Variants in VRK2 observed in about 807,000 individuals in gnomAD.
The protein encoded by VRK2 is VRK serine/threonine kinase 2.
A neutral mutation model predicts 57.6 loss-of-function variants in VRK2; 60 were observed. The ratio of observed to expected loss-of-function variants is 1.04; its 90% CI spans 0.85 to 1.29. The LOEUF (loss-of-function observed/expected upper bound fraction) is 1.29. Among genes scored for constraint, VRK2 ranks in the 50% most tolerant of loss-of-function variants. The pLI, the probability that VRK2 is intolerant of heterozygous loss-of-function variation, is 0.00. For missense variants in VRK2, 705 were observed against 588.1 expected (o/e 1.20, Z -2.06); for synonymous variants, 231 against 199.2 (o/e 1.16, Z -1.35).
At chr2:58,091,736 G>A (rs1034675848) in intron 7 of VRK2, among the ~76,000 whole-genome samples, 1 of 151,920 alleles carries the variant, frequency 6.6e-6, no homozygotes, top group African/African-American at 2.4e-5. Flanking sequence ...TTGTTAAAGC[G>A]ATGATCGAAA....
chr2:58,117,483 T>C (rs2104452753), intron 7 of VRK2, among the ~76,000 whole-genome samples: 1 of 151,906 alleles, frequency 6.6e-6, no homozygotes, highest in East Asian at 1.9e-4. Context: ...CATGGGTCTA[T>C]AGAAAAGGAA....
upstream of VRK2, among the ~76,000 whole-genome samples, chr2:58,043,809 G>A (rs1674562902): frequency 6.6e-6 from 1 of 152,138 alleles, no homozygotes; most frequent in South Asian, 2.1e-4. Flanking sequence ...CTGCCAAACT[G>A]TTTTCCAGAG....
At chr2:58,027,551 G>T (rs953784561) in intron 2 of VRK2, among the ~76,000 whole-genome samples, 4 of 152,142 alleles carry the variant, frequency 2.6e-5, no homozygotes, top group Admixed American at 6.6e-5. Context: ...GGTGAAAAGG[G>T]TTGGAAAGGG....
chr2:57,981,417 A>T (rs1672419129), intron 1 of VRK2, among the ~76,000 whole-genome samples: 1 of 152,152 alleles, frequency 6.6e-6, no homozygotes, highest in African/African-American at 2.4e-5. Flanking sequence ...TTAACTTGAC[A>T]CTGTTCCCTT....
At chr2:57,978,113 T>C (rs1672305448) in intron 1 of VRK2, among the ~76,000 whole-genome samples, 6 of 151,188 alleles carry the variant, frequency 4.0e-5, no homozygotes, top group Admixed American at 3.9e-4. Flanking sequence ...TTAAGAGTAT[T>C]GTTTAATAAT....
chr2:58,109,225 A>G (rs1312083779), intron 7 of VRK2, among the ~76,000 whole-genome samples: 3 of 152,178 alleles, frequency 2.0e-5, no homozygotes, highest in Admixed American at 6.5e-5. Context: ...AGGTGCTGTT[A>G]TGGATACAAA....
intron 2 of VRK2, among the ~76,000 whole-genome samples, chr2:58,069,376 G>A (rs1268509363): frequency 6.6e-6 from 1 of 152,178 alleles, no homozygotes; most frequent in East Asian, 1.9e-4. Flanking sequence ...TACACAGCTT[G>A]TGAGTGAGTC....
chr2:58,076,085 C>A (rs1471984566), intron 2 of VRK2, among the ~76,000 whole-genome samples: 1 of 149,156 alleles, frequency 6.7e-6, no homozygotes, highest in Non-Finnish European at 1.5e-5. Flanking sequence ...TTTTTAAGAG[C>A]CTTCTAATAG....
At position 57,937,164 on chromosome 2, in the gene VRK2, G is replaced by T. The variant is rs190486520; in HGVS notation, c.-439+29325G>T. 1.3e-4 allele frequency among the ~76,000 whole-genome samples: 20 copies of T among 152,278 alleles called. 1 individual carries two copies. Among genetic ancestry groups the T allele is most frequent in the African/African-American group, 4.8e-4 (20 of 41,560 alleles). ...AGACCAATTCAGAAGCAATAGAAAT[G>T]AACACATGCTATGAAATCTTTTAAT... On this transcript the variant is annotated intron_variant, in intron 1 of 15. Coordinates refer to the VRK2 transcript ENST00000417641.
intron 1 of VRK2, among the ~76,000 whole-genome samples, chr2:58,006,039 T>C (rs1014845679): frequency 2.0e-5 from 3 of 152,174 alleles, no homozygotes; most frequent in South Asian, 4.1e-4. Context: ...GACCTGTAGC[T>C]AGACTCATGT....
At chr2:57,970,903 T>C (rs975160218) in intron 1 of VRK2, among the ~76,000 whole-genome samples, 3 of 152,026 alleles carry the variant, frequency 2.0e-5, no homozygotes, top group Non-Finnish European at 2.9e-5. Flanking sequence ...TCTTAATTGA[T>C]AGGATTTTTT....
At chr2:57,914,725 A>G (rs1179174569) in intron 1 of VRK2, among the ~76,000 whole-genome samples, 1 of 152,160 alleles carries the variant, frequency 6.6e-6, no homozygotes, top group African/African-American at 2.4e-5. Flanking sequence ...TGTCCCTCTG[A>G]AAGTTAAGCC....
At chr2:58,009,398 T>C (rs1470312392) in intron 1 of VRK2, among the ~76,000 whole-genome samples, 1 of 151,746 alleles carries the variant, frequency 6.6e-6, no homozygotes, top group Non-Finnish European at 1.5e-5. Context: ...GAACCACTTG[T>C]ACTGAATATC....
chr2:58,133,303 C>T (rs1679490126), intron 9 of VRK2, among the ~76,000 whole-genome samples: 1 of 151,996 alleles, frequency 6.6e-6, no homozygotes, highest in African/African-American at 2.4e-5. Context: ...CTTCTATTTA[C>T]ATTTTGGGGA....
At chr2:58,067,146 G>A (rs1344977753) in intron 2 of VRK2, among the ~76,000 whole-genome samples, 4 of 152,138 alleles carry the variant, frequency 2.6e-5, no homozygotes, top group Admixed American at 1.3e-4. Flanking sequence ...TTCAGCTTTT[G>A]GACTCCTGGA....
intron 12 of VRK2, among the ~76,000 whole-genome samples, chr2:58,157,419 T>TTATC (rs1177027031): frequency 6.6e-6 from 1 of 152,156 alleles, no homozygotes; most frequent in Non-Finnish European, 1.5e-5. Flanking sequence ...TTCCTAGTAC[T>TTATC]TATCTACTAG....
At chr2:58,157,252 G>C (rs1050282013) in intron 12 of VRK2, among the ~76,000 whole-genome samples, 2 of 152,096 alleles carry the variant, frequency 1.3e-5, no homozygotes, top group African/African-American at 4.8e-5. Context: ...AAGTAGTGTT[G>C]CTATTTTTCA....
chr2:58,124,343 C>T (rs1206333020), intron 8 of VRK2, among the ~76,000 whole-genome samples: 8 of 152,186 alleles, frequency 5.3e-5, no homozygotes, highest in Admixed American at 5.2e-4. Flanking sequence ...TGCAACTGTA[C>T]TTTCTTAGTT....
chr2:57,921,655 G>A (rs1439667196), intron 1 of VRK2, among the ~76,000 whole-genome samples: 2 of 152,062 alleles, frequency 1.3e-5, no homozygotes, highest in Non-Finnish European at 2.9e-5. Flanking sequence ...TGAAATGATT[G>A]CAATTTGAAG....
Sources: allele counts gnomAD v4.1 joint callset (sites outside exome capture counted in the v4.1 genomes callset), GRCh38; gene constraint gnomAD v4.1.1; transcripts MANE v1.5; gene names NCBI Gene and HGNC (gene_info 2026-07-23, HGNC 2026-07-21).